CASD1: variants seen among roughly 807,000 people sequenced by gnomAD.
CASD1 encodes CAS1 domain sialic acid O acetyltransferase 1.
CASD1 carries 41 observed loss-of-function variants against 100.0 expected under a neutral mutation model. The ratio of observed to expected loss-of-function variants is 0.41; its 90% CI spans 0.32 to 0.53. The LOEUF is 0.53. CASD1 is among the 20% of genes least tolerant of loss of function. The pLI is 0.25. For missense variants in CASD1, 774 were observed against 948.7 expected (o/e 0.82, Z 2.42); for synonymous variants, 321 against 315.6 (o/e 1.02, Z -0.18).
chr7:94,511,763 T>G (rs891092282), intron 1 of CASD1, among the ~76,000 whole-genome samples: 4 of 152,234 alleles, frequency 2.6e-5, no homozygotes, highest in African/African-American at 9.6e-5. Context: ...GTCCCCTTCC[T>G]TTTATTTTTT....
chr7:94,603,861 A>G, the CASD1 span, among the ~76,000 whole-genome samples: 2 of 152,290 alleles, frequency 1.3e-5, no homozygotes, highest in African/African-American at 4.8e-5. Context: ...TAAATAACTA[A>G]GTAATACATT....
the CASD1 span, among the ~76,000 whole-genome samples, chr7:94,596,458 A>G: frequency 6.6e-6 from 1 of 152,142 alleles, no homozygotes; most frequent in East Asian, 1.9e-4. Flanking sequence ...CTAAAATTCT[A>G]CAGCACTGTT....
chr7:94,535,187 C>T lies in CASD1; in HGVS notation c.629-122C>T, dbSNP rs995322932. Reference sequence around the variant, plus strand: ...TTGCGTAAAAATGAACTATTAGGTACCTGGTACCATCTATACTTTTAAAAA... The same window carrying T: ...TTGCGTAAAAATGAACTATTAGGTATCTGGTACCATCTATACTTTTAAAAA... On this transcript the variant is annotated intron_variant, in intron 7 of 17. Transcript: ENST00000297273. 5.8e-6 allele frequency: 4 copies of T among 692,570 alleles called. No homozygotes were observed. In the African/African-American group the frequency reaches 7.2e-5, roughly 12 times the overall value. 42.9% of individuals were successfully genotyped at this position (692,570 alleles called of 1,614,324 possible). A position where few individuals can be genotyped will look rare whatever the true frequency, so the allele number is the denominator to read the frequency against.
chr7:94,533,897 A>T, intron 7 of CASD1, 95 bp downstream of exon 7: 4 of 1,126,328 alleles, frequency 3.6e-6, no homozygotes, highest in Non-Finnish European at 4.8e-6. Flanking sequence ...TTACTGCTTT[A>T]TGAGAATTAA....
At chr7:94,510,741 A>G (rs1468063286) in intron 1 of CASD1, among the ~76,000 whole-genome samples, 2 of 152,244 alleles carry the variant, frequency 1.3e-5, no homozygotes, top group Non-Finnish European at 2.9e-5. Context: ...GCTGTTGGAC[A>G]GCGGCAAGGG....
the CASD1 span, among the ~76,000 whole-genome samples, chr7:94,580,609 G>A: frequency 3.9e-5 from 6 of 152,152 alleles, no homozygotes; most frequent in Non-Finnish European, 8.8e-5. Context: ...ACCATCACAA[G>A]TTCAGTTAGA....
chr7:94,632,875 T>C, the CASD1 span, among the ~76,000 whole-genome samples: 1 of 152,060 alleles, frequency 6.6e-6, no homozygotes, highest in East Asian at 1.9e-4. Flanking sequence ...ATAAAGCTGA[T>C]GGGGTCCACT....
At chr7:94,552,916 A>G (rs1007775603) in intron 16 of CASD1, among the ~76,000 whole-genome samples, 35 of 152,186 alleles carry the variant, frequency 2.3e-4, no homozygotes, top group African/African-American at 7.5e-4. Flanking sequence ...CAGCCTGGGC[A>G]ATGAGCAAGA....
the CASD1 span, among the ~76,000 whole-genome samples, chr7:94,604,689 T>C: frequency 1.1e-4 from 16 of 147,908 alleles, no homozygotes; most frequent in African/African-American, 2.7e-4. Context: ...CCACATATCC[T>C]GTCCTACCTA....
chr7:94,561,573 C>G (rs1439012424), downstream of CASD1, among the ~76,000 whole-genome samples: 2 of 151,982 alleles, frequency 1.3e-5, no homozygotes, highest in East Asian at 3.9e-4. Context: ...CTAAATGGCC[C>G]ATCTGTCTGT....
the CASD1 span, among the ~76,000 whole-genome samples, chr7:94,596,132 T>C: frequency 1.3e-5 from 2 of 152,132 alleles, no homozygotes; most frequent in African/African-American, 2.4e-5. Context: ...GCCTATTGCA[T>C]TTGCAAATAG....
the CASD1 span, chr7:94,628,262 A>T: frequency 5.0e-6 from 8 of 1,607,540 alleles, no homozygotes; most frequent in South Asian, 8.8e-5. Context: ...GGACTCCATC[A>T]CTATATGGTG....
chr7:94,561,556 T>A (rs1183404822), downstream of CASD1, among the ~76,000 whole-genome samples: 2 of 152,278 alleles, frequency 1.3e-5, no homozygotes, highest in East Asian at 3.9e-4. Context: ...GAGCAGAACT[T>A]TGGAACCTAA....
intron 3 of CASD1, 27 bp downstream of exon 3, chr7:94,518,350 G>C (rs748413905): frequency 6.5e-7 from 1 of 1,538,648 alleles, no homozygotes; most frequent in Non-Finnish European, 8.8e-7. Context: ...CCCTTCTGTA[G>C]AGTGTTTTAG....
At position 94,555,758 on chromosome 7, in the gene CASD1, G is replaced by A. The variant is rs568608883; in HGVS notation, c.2394G>A (p.Ter798=). 6.2e-6 allele frequency: 10 copies of A among 1,607,650 alleles called. No individual in the cohort carries two copies. The highest frequency in any genetic ancestry group is 8.5e-6 in the Non-Finnish European group (10 of 1,177,700). ...LSSIQDKSKH[*] Reference sequence around the variant, plus strand: ...CCATTCAAGATAAATCAAAACATTAGGTTCCAAAAATTCTAAAAAACCTAA... The same window carrying A: ...CCATTCAAGATAAATCAAAACATTAAGTTCCAAAAATTCTAAAAAACCTAA... The change falls in exon 18 of 18, where the codon TAG becomes TAA. Residue 798 remains the stop codon, a stop_retained_variant. Coordinates refer to ENST00000297273, the MANE Select transcript of CASD1 (RefSeq NM_022900.5).
At chr7:94,524,825 A>C (rs1794474633) in intron 3 of CASD1, among the ~76,000 whole-genome samples, 1 of 152,112 alleles carries the variant, frequency 6.6e-6, no homozygotes, top group Admixed American at 6.5e-5. Context: ...AAGGCTAGGG[A>C]ATGTTCTAGG....
rs887077582 is a variant in CASD1, at chr7:94,518,076, C to A, written c.231-127C>A. The A allele has an allele frequency of 3.3e-6, 3 of 904,486 alleles. No homozygotes were observed. In the African/African-American group the frequency reaches 5.2e-5, roughly 16 times the overall value. The allele number at this position is 904,486 out of a possible 1,614,324, so 56.0% of individuals were successfully genotyped here. A position where few individuals can be genotyped will look rare whatever the true frequency, so the allele number is the denominator to read the frequency against. On this transcript the variant is annotated intron_variant, in intron 2 of 17. Coordinates refer to ENST00000297273, the MANE Select transcript of CASD1 (RefSeq NM_022900.5). ...TGGTAAGTTAAACAAACCTGGCCAC[C>A]TGCTTATAAAGCAATATAATGGTAT... is the stretch of plus-strand genomic sequence containing the variant.
At chr7:94,549,429 C>T in intron 13 of CASD1, 104 bp from the exon 14 acceptor site, 1 of 659,356 alleles carries the variant, frequency 1.5e-6, no homozygotes, top group East Asian at 2.8e-5. Flanking sequence ...TTGTGAATGA[C>T]TCTTATATAA....
At chr7:94,616,056 C>T in the CASD1 span, among the ~76,000 whole-genome samples, 1 of 152,092 alleles carries the variant, frequency 6.6e-6, no homozygotes, top group Non-Finnish European at 1.5e-5. Context: ...TAATCACTTT[C>T]TGTTTGATTT....
Sources: gnomAD v4.1 joint callset for allele counts (sites outside exome capture counted in the v4.1 genomes callset) on GRCh38, gnomAD v4.1.1 for gene constraint, MANE v1.5 for transcripts, NCBI Gene and HGNC (gene_info 2026-07-23, HGNC 2026-07-21) for gene names.